UBE2L3: variants seen among roughly 807,000 people sequenced by gnomAD.
UBE2L3 encodes the protein ubiquitin conjugating enzyme E2 L3.
In UBE2L3, 1 loss-of-function variant was observed where a neutral mutation model predicts 17.8. The ratio of observed to expected loss-of-function variants is 0.06; its 90% CI spans 0.02 to 0.27. The LOEUF (loss-of-function observed/expected upper bound fraction) is 0.27, where lower values mean the gene tolerates loss of function less well. Among genes scored for constraint, UBE2L3 ranks in the 10% least tolerant of loss-of-function variants. UBE2L3 has a pLI of 1.00. For missense variants in UBE2L3, 40 were observed against 192.6 expected, an observed-to-expected ratio of 0.21 and a Z score of 4.69; for synonymous variants, 44 against 68.5, an observed-to-expected ratio of 0.64 and a Z score of 1.76.
intron 2 of UBE2L3, among the ~76,000 whole-genome samples, chr22:21,595,303 T>C (rs1268813650): frequency 1.3e-5 from 2 of 152,220 alleles, no homozygotes; most frequent in African/African-American, 2.4e-5. Context: ...TCTTCTTCCT[T>C]CTCCAGAGCA....
chr22:21,590,189 T>G (rs2283789), intron 1 of UBE2L3, among the ~76,000 whole-genome samples: 33,034 of 152,038 alleles, frequency 0.22, 4,398 homozygotes, highest in East Asian at 0.51. Flanking sequence ...CATCCCTACT[T>G]TATTTTTTTA....
intron 3 of UBE2L3, among the ~76,000 whole-genome samples, chr22:21,616,606 C>A (rs1024292269): frequency 6.6e-6 from 1 of 150,520 alleles, no homozygotes; most frequent in Admixed American, 6.6e-5. Flanking sequence ...GAGCTGAGAT[C>A]ACGCTACTGC....
At chr22:21,608,349 A>G (rs1434897142) in intron 2 of UBE2L3, among the ~76,000 whole-genome samples, 7 of 152,202 alleles carry the variant, frequency 4.6e-5, no homozygotes, top group African/African-American at 1.7e-4. Flanking sequence ...TCCTGGGCCT[A>G]AGAAGTCCAC....
At chr22:21,577,641 A>G (rs957063755) in intron 1 of UBE2L3, among the ~76,000 whole-genome samples, 4 of 152,094 alleles carry the variant, frequency 2.6e-5, no homozygotes, top group African/African-American at 7.2e-5. Context: ...TGCTTTTTAG[A>G]TGGTTGCTTT....
intron 1 of UBE2L3, among the ~76,000 whole-genome samples, chr22:21,559,264 C>T (rs1281411256): frequency 6.6e-6 from 1 of 152,046 alleles, no homozygotes; most frequent in East Asian, 1.9e-4. Flanking sequence ...AGGAGAATTG[C>T]TTTAACCTAG....
chr22:21,595,408 A>G lies in UBE2L3; in HGVS notation c.123+2452A>G, dbSNP rs1286597118. Among the ~76,000 whole-genome samples the G allele has an allele frequency of 2.0e-5, 3 of 152,216 alleles. No homozygotes were observed. In the East Asian group the frequency reaches 5.8e-4, roughly 29 times the overall value. ...CCTGCATTGGACGGGCTGGGCCAGC[A>G]TGGGAATCTACTATACAAACTCACC... On this transcript the variant is annotated intron_variant, in intron 2 of 3. Coordinates refer to ENST00000342192, the MANE Select transcript of UBE2L3 (RefSeq NM_003347.4).
chr22:21,593,495 C>T (rs1181448823), intron 2 of UBE2L3, among the ~76,000 whole-genome samples: 1 of 152,138 alleles, frequency 6.6e-6, no homozygotes, highest in Non-Finnish European at 1.5e-5. Context: ...CCTCCAGTGT[C>T]TGCCCCCACA....
intron 1 of UBE2L3, among the ~76,000 whole-genome samples, chr22:21,580,373 C>T (rs569248961): frequency 6.6e-6 from 1 of 152,320 alleles, no homozygotes; most frequent in East Asian, 1.9e-4. Flanking sequence ...TGACCACTTC[C>T]TCTCAAGCCA....
chr22:21,562,236 C>T (rs1163718801), intron 1 of UBE2L3, among the ~76,000 whole-genome samples: 1 of 150,754 alleles, frequency 6.6e-6, no homozygotes, highest in African/African-American at 2.4e-5. Flanking sequence ...GCTCTGTCAC[C>T]CAGGCTGGAA....
chr22:21,582,385 G>A (rs1036542160), intron 1 of UBE2L3, among the ~76,000 whole-genome samples: 9 of 149,068 alleles, frequency 6.0e-5, no homozygotes, highest in East Asian at 2.0e-4. Context: ...ATGGAGTCTC[G>A]CTCTGTCACC....
intron 1 of UBE2L3, among the ~76,000 whole-genome samples, chr22:21,590,191 ATTT>A (rs1242142175): frequency 6.6e-6 from 1 of 151,432 alleles, no homozygotes; most frequent in Non-Finnish European, 1.5e-5. Context: ...TCCCTACTTT[ATTT>A]TTTTATTTTT....
At chr22:21,569,037 C>T (rs562216214) in intron 1 of UBE2L3, among the ~76,000 whole-genome samples, 74 of 152,286 alleles carry the variant, frequency 4.9e-4, no homozygotes, top group Middle Eastern at 3.4e-3. Flanking sequence ...TAATGGCTTT[C>T]TTTCCTACCC....
chr22:21,571,477 CTG>C (rs1165852748), intron 1 of UBE2L3, among the ~76,000 whole-genome samples: 1 of 152,184 alleles, frequency 6.6e-6, no homozygotes, highest in Non-Finnish European at 1.5e-5. Flanking sequence ...GGCACGATCT[CTG>C]TGCACTACAA....
intron 1 of UBE2L3, among the ~76,000 whole-genome samples, chr22:21,580,907 C>G (rs1156940068): frequency 6.6e-6 from 1 of 151,012 alleles, no homozygotes; most frequent in Non-Finnish European, 1.5e-5. Context: ...GAGACAAGGT[C>G]TTGCTCCGTT....
chr22:21,568,801 C>G (rs1926790681), intron 1 of UBE2L3, among the ~76,000 whole-genome samples: 1 of 152,072 alleles, frequency 6.6e-6, no homozygotes, highest in African/African-American at 2.4e-5. Flanking sequence ...TCGTTCTAGG[C>G]GGAGCAGTGC....
At chr22:21,609,232 A>T (rs77295419) in intron 2 of UBE2L3, among the ~76,000 whole-genome samples, 1 of 152,182 alleles carries the variant, frequency 6.6e-6, no homozygotes, top group Non-Finnish European at 1.5e-5. Context: ...ATGTCTTACC[A>T]TTGGATCCAG....
intron 1 of UBE2L3, among the ~76,000 whole-genome samples, chr22:21,576,591 C>T (rs1351233553): frequency 6.6e-6 from 1 of 152,036 alleles, no homozygotes; most frequent in African/African-American, 2.4e-5. Context: ...AGCCACCATG[C>T]CCGGCCCCCA....
chr22:21,614,432 A>T, intron 3 of UBE2L3: 1 of 535,718 alleles, frequency 1.9e-6, no homozygotes, highest in Non-Finnish European at 3.2e-6. Flanking sequence ...TGTACCAAAA[A>T]AAAAAAAAGA....
At chr22:21,619,538 C>CT (rs1929949616) in intron 3 of UBE2L3, among the ~76,000 whole-genome samples, 1 of 152,248 alleles carries the variant, frequency 6.6e-6, no homozygotes, top group East Asian at 1.9e-4. Flanking sequence ...GGAGCCCTCT[C>CT]TTTCCCATTC....
Sources: gnomAD v4.1 joint callset for allele counts (sites outside exome capture counted in the v4.1 genomes callset) on GRCh38, gnomAD v4.1.1 for gene constraint, MANE v1.5 for transcripts, NCBI Gene and HGNC (gene_info 2026-07-23, HGNC 2026-07-21) for gene names.